The following CES5A variants were observed in gnomAD, a reference collection of about 807,000 sequenced individuals.
CES5A encodes carboxylesterase 5.
In CES5A, 67 loss-of-function variants were observed where a neutral mutation model predicts 62.9. The observed-to-expected ratio is 1.07, with a 90% CI of 0.88 to 1.31. The LOEUF is 1.31. Among genes scored for constraint, CES5A ranks in the 50% most tolerant of loss-of-function variants. The pLI, the probability that CES5A is intolerant of heterozygous loss-of-function variation, is 0.00. For missense variants in CES5A, 748 were observed against 708.5 expected (o/e 1.06, Z -0.63); for synonymous variants, 296 against 280.8 (o/e 1.05, Z -0.54).
intron 1 of CES5A, among the ~76,000 whole-genome samples, chr16:55,896,989 A>AT (rs544113965): frequency 1.6e-3 from 239 of 152,154 alleles, no homozygotes; most frequent in African/African-American, 5.5e-3. Context: ...ACAAATGTAG[A>AT]TTTTCTGTCA....
intron 1 of CES5A, among the ~76,000 whole-genome samples, chr16:55,910,927 C>G (rs1012960862): frequency 6.6e-5 from 10 of 152,086 alleles, no homozygotes; most frequent in African/African-American, 2.4e-4. Context: ...ATAAAACTGC[C>G]CCTGCTTCCT....
intron 1 of CES5A, among the ~76,000 whole-genome samples, chr16:55,893,131 G>T (rs1321871385): frequency 6.6e-6 from 1 of 152,136 alleles, no homozygotes; most frequent in Non-Finnish European, 1.5e-5. Context: ...AAAACAGAAA[G>T]AAATTTTGTA....
chr16:55,861,942 A>G (rs2033360064), intron 6 of CES5A, among the ~76,000 whole-genome samples: 1 of 152,154 alleles, frequency 6.6e-6, no homozygotes, highest in Non-Finnish European at 1.5e-5. Flanking sequence ...CTTCATTGTC[A>G]GTACAGGCAG....
Position 55,871,718 on chromosome 16 carries a change from G to T in CES5A, c.324C>A (p.Leu108=), listed in dbSNP as rs1444287451. The change falls in exon 3 of 13, where the codon CTC becomes CTA. Residue 108 remains leucine, a synonymous_variant. Transcript: ENST00000290567. ...SEWLLLDQHM[L]KVHYPKFGVS... ...CTCCGAATTTCGGGTAATGCACCTTGAGCATATGTTGATCTAAGAGCAGCC... is the reference window on the plus strand; with the variant it reads ...CTCCGAATTTCGGGTAATGCACCTTTAGCATATGTTGATCTAAGAGCAGCC... 1 of 1,614,114 alleles carries T rather than the reference G, an allele frequency of 6.2e-7. No individual in the cohort carries two copies. The highest frequency in any genetic ancestry group is 1.1e-5 in the South Asian group (1 of 91,064).
chr16:55,915,664 C>T (rs2034141364), intron 1 of CES5A, among the ~76,000 whole-genome samples: 1 of 152,166 alleles, frequency 6.6e-6, no homozygotes, highest in Non-Finnish European at 1.5e-5. Context: ...TTCACTCCCC[C>T]AGGCGACCTT....
intron 1 of CES5A, among the ~76,000 whole-genome samples, chr16:55,919,642 G>T (rs1396416346): frequency 6.6e-6 from 1 of 152,084 alleles, no homozygotes; most frequent in Non-Finnish European, 1.5e-5. Flanking sequence ...CTTTGTGAAT[G>T]ATTTTCTTTT....
In CES5A at chr16:55,846,443, A is replaced by T. The variant is rs556926195; in HGVS notation, c.*8T>A. ...GAAGGGAAACCAAAATCACAGAAAG[A>T]TAACTTCTCAAGGAGCACAAAAGAA... On this transcript the variant is annotated 3_prime_UTR_variant, in exon 13 of 13. Transcript: ENST00000290567. 4 of 1,606,462 alleles carry T rather than the reference A, an allele frequency of 2.5e-6. No homozygotes were observed. In the African/African-American group the frequency reaches 4.0e-5, roughly 16 times the overall value.
chr16:55,854,531 C>CTTTTTTTTTTCTTTTT (rs1555479324), intron 9 of CES5A, among the ~76,000 whole-genome samples: 12 of 52,160 alleles, frequency 2.3e-4, no homozygotes, highest in East Asian at 1.9e-3. Flanking sequence ...TGTAGTGTTT[C>CTTTTTTTTTTCTTTTT]TTTTTTTTTT....
intron 4 of CES5A, 72 bp from the exon 5 acceptor site, chr16:55,866,188 G>C (rs2033457263): frequency 6.7e-7 from 1 of 1,490,788 alleles, no homozygotes; most frequent in Admixed American, 2.1e-5. Context: ...GAAGTTCTCA[G>C]CAGAGGCTGT....
chr16:55,906,143 C>T (rs894138160), intron 1 of CES5A, among the ~76,000 whole-genome samples: 14 of 152,162 alleles, frequency 9.2e-5, no homozygotes, highest in Admixed American at 2.0e-4. Flanking sequence ...CTGTTACAGA[C>T]GATCAACTCT....
chr16:55,941,374 T>C (rs1297848519), intron 2 of CES5A, among the ~76,000 whole-genome samples: 1 of 152,010 alleles, frequency 6.6e-6, no homozygotes, highest in African/African-American at 2.4e-5. Context: ...TTTAAAACAA[T>C]GTCATTCACA....
chr16:55,877,848 G>T (rs1446390108), upstream of CES5A, among the ~76,000 whole-genome samples: 6 of 152,186 alleles, frequency 3.9e-5, no homozygotes, highest in African/African-American at 1.4e-4. Context: ...AGAACAGCTG[G>T]AACTAAAGCC....
chr16:55,852,142 A>G (rs1355916821), intron 10 of CES5A, among the ~76,000 whole-genome samples: 1 of 152,242 alleles, frequency 6.6e-6, no homozygotes, highest in Admixed American at 6.5e-5. Flanking sequence ...TGGTTGTACA[A>G]CAATATGAAT....
At chr16:55,941,084 T>G (rs1290421982) in intron 2 of CES5A, among the ~76,000 whole-genome samples, 3 of 152,060 alleles carry the variant, frequency 2.0e-5, no homozygotes, top group Non-Finnish European at 4.4e-5. Context: ...CTTATCAGAT[T>G]GGGAGAAAGG....
At chr16:55,913,180 G>T (rs2034112012) in intron 1 of CES5A, among the ~76,000 whole-genome samples, 1 of 152,172 alleles carries the variant, frequency 6.6e-6, no homozygotes, top group Non-Finnish European at 1.5e-5. Context: ...GATTGGTCAG[G>T]CTGGAAATGG....
upstream of CES5A, chr16:55,875,502 G>A (rs1253184303): frequency 8.0e-6 from 5 of 627,348 alleles, no homozygotes; most frequent in Non-Finnish European, 1.2e-5. Context: ...AAACAGAAAA[G>A]ACATTCCAGA....
intron 1 of CES5A, among the ~76,000 whole-genome samples, chr16:55,901,088 G>C (rs1382159973): frequency 6.6e-6 from 1 of 152,086 alleles, no homozygotes; most frequent in Non-Finnish European, 1.5e-5. Context: ...TGTCATGGGA[G>C]GGGCCTGGGG....
intron 1 of CES5A, among the ~76,000 whole-genome samples, chr16:55,909,670 G>C (rs922808621): frequency 6.6e-6 from 1 of 152,188 alleles, no homozygotes; most frequent in Non-Finnish European, 1.5e-5. Flanking sequence ...AAAGGGGCCA[G>C]TGGCTAAAGT....
At chr16:55,926,827 T>C (rs1294021258), upstream of CES5A, among the ~76,000 whole-genome samples, 2 of 152,236 alleles carry the variant, frequency 1.3e-5, no homozygotes, top group Admixed American at 1.3e-4. Context: ...AAAAAACTGT[T>C]GCTAAGACCT....
Sources: gnomAD v4.1 joint callset for allele counts (sites outside exome capture counted in the v4.1 genomes callset) on GRCh38, gnomAD v4.1.1 for gene constraint, MANE v1.5 for transcripts, NCBI Gene and HGNC (gene_info 2026-07-23, HGNC 2026-07-21) for gene names.